Variants in SOCS7 observed in about 807,000 individuals in gnomAD.
SOCS7 encodes the protein suppressor of cytokine signaling 7.
SOCS7 carries 18 observed loss-of-function variants against 58.9 expected under a neutral mutation model. The observed-to-expected ratio is 0.31, with a 90% CI of 0.21 to 0.45. The LOEUF is 0.45. Among genes scored for constraint, SOCS7 ranks in the 20% least tolerant of loss-of-function variants. The pLI is 1.00. For missense variants in SOCS7, 667 were observed against 837.3 expected (o/e 0.80, Z 2.51); for synonymous variants, 388 against 364.3 (o/e 1.06, Z -0.74).
At chr17:38,387,600 CACAATATATTGTATATTATATAT>C (rs1387596853) in intron 7 of SOCS7, among the ~76,000 whole-genome samples, 25 of 89,656 alleles carry the variant, frequency 2.8e-4, no homozygotes, top group South Asian at 1.4e-3. Context: ...ATATTATATA[CACAATATATTGTATATTATATAT>C]ACAATATATT....
At chr17:38,379,555 TGAACA>T (rs2037975756) in intron 7 of SOCS7, among the ~76,000 whole-genome samples, 1 of 152,162 alleles carries the variant, frequency 6.6e-6, no homozygotes. Flanking sequence ...TTAAGATTCT[TGAACA>T]GAACACCTAG....
chr17:38,372,147 T>C (rs2037876507), intron 6 of SOCS7, among the ~76,000 whole-genome samples: 1 of 152,132 alleles, frequency 6.6e-6, no homozygotes, highest in Non-Finnish European at 1.5e-5. Flanking sequence ...TTTTTGGAGA[T>C]TTGTGACAAT....
chr17:38,366,403 C>T lies in SOCS7; in HGVS notation c.1369C>T (p.Arg457Ter), dbSNP rs1228430965. 2.5e-6 allele frequency: 4 copies of T among 1,614,206 alleles called. No homozygotes were observed. Among genetic ancestry groups the T allele is most frequent in the South Asian group, 1.1e-5 (1 of 91,086 alleles). ...CTCGAGCAGCTTTGCAGCCAGCCTTCGAGAGTTGGAGAAGGTAGGTGGTAC... is the reference window on the plus strand; with the variant it reads ...CTCGAGCAGCTTTGCAGCCAGCCTTTGAGAGTTGGAGAAGGTAGGTGGTAC... ...PDSSSFAASL[R>*]ELEKCGWYWG... Residue 457 changes from arginine (R) to a stop codon, truncating the protein, a stop_gained, in exon 5 of 10, where the codon CGA becomes TGA. Coordinates refer to ENST00000612932, the MANE Select transcript of SOCS7 (RefSeq NM_014598.4). LOFTEE classifies it high-confidence loss of function.
rs1399773366 is a variant in SOCS7 at position 38,400,323 on chromosome 17, A to G, written c.*841A>G. On this transcript the variant is annotated 3_prime_UTR_variant, in exon 10 of 10. Transcript: ENST00000612932. ...CTCTGATCATGGTAACAGCATCCCT[A>G]TTGCTTCTGCCAGCTGTCATGGCAA... 6.6e-6 allele frequency: 1 copy of G among 152,106 alleles called. No homozygotes were observed. The highest frequency in any genetic ancestry group is 1.5e-5 in the Non-Finnish European group (1 of 68,034). 9.4% of individuals were successfully genotyped at this position (152,106 alleles called of 1,614,324 possible).
intron 1 of SOCS7, among the ~76,000 whole-genome samples, chr17:38,355,235 TC>T (rs2037619919): frequency 1.3e-5 from 2 of 152,296 alleles, no homozygotes; most frequent in African/African-American, 4.8e-5. Context: ...CTTCCCTTTT[TC>T]CCCCATCTGT....
At chr17:38,377,073 A>G (rs1020665125) in intron 6 of SOCS7, among the ~76,000 whole-genome samples, 1 of 152,146 alleles carries the variant, frequency 6.6e-6, no homozygotes, top group Non-Finnish European at 1.5e-5. Context: ...GTACACTCTG[A>G]TGTTCGCCTA....
intron 6 of SOCS7, among the ~76,000 whole-genome samples, chr17:38,371,752 GTGT>G (rs1439245934): frequency 2.0e-5 from 2 of 98,992 alleles, no homozygotes; most frequent in African/African-American, 8.5e-5. Flanking sequence ...TGGCCCTTTT[GTGT>G]TTTTTTTTTT....
chr17:38,397,844 T>C (rs2038264455), intron 9 of SOCS7, among the ~76,000 whole-genome samples: 1 of 152,152 alleles, frequency 6.6e-6, no homozygotes, highest in Admixed American at 6.5e-5. Flanking sequence ...GGGTAAAGTT[T>C]AGTGATTAGT....
intron 7 of SOCS7, among the ~76,000 whole-genome samples, chr17:38,387,626 AATATATTGTATATTATATACACT>A (rs2038095719): frequency 1.2e-5 from 1 of 85,296 alleles, no homozygotes; most frequent in Admixed American, 1.1e-4. Flanking sequence ...TTATATATAC[AATATATTGTATATTATATACACT>A]ATATATTGTA....
At chr17:38,360,574 C>G (rs2037704138) in intron 1 of SOCS7, among the ~76,000 whole-genome samples, 1 of 151,928 alleles carries the variant, frequency 6.6e-6, no homozygotes, top group African/African-American at 2.4e-5. Flanking sequence ...GAGTCTCGCT[C>G]TGTCGCCCAG....
chr17:38,401,110 T>G lies in SOCS7; in HGVS notation c.*1628T>G, dbSNP rs901140545. The G allele has an allele frequency of 1.5e-4, 23 of 152,272 alleles. No homozygotes were observed. Among genetic ancestry groups the G allele is most frequent in the Admixed American group, 6.5e-4 (10 of 15,300 alleles). 9.4% of individuals were successfully genotyped at this position (152,272 alleles called of 1,614,324 possible). A position where few individuals can be genotyped will look rare whatever the true frequency, so the allele number is the denominator to read the frequency against. ...TCATCTGGGAGCATTGCCTTCTTCCTTAGTCCCACGTGGAGTGACCAGTCT... is the reference window on the plus strand; with the variant it reads ...TCATCTGGGAGCATTGCCTTCTTCCGTAGTCCCACGTGGAGTGACCAGTCT... On this transcript the variant is annotated 3_prime_UTR_variant, in exon 10 of 10. Transcript: ENST00000612932.
chr17:38,360,922 T>C (rs2037710537), intron 1 of SOCS7, among the ~76,000 whole-genome samples: 1 of 152,254 alleles, frequency 6.6e-6, no homozygotes, highest in African/African-American at 2.4e-5. Context: ...CTGGCCGTAA[T>C]GTCTTTGTTG....
intron 7 of SOCS7, among the ~76,000 whole-genome samples, chr17:38,386,450 A>C (rs976845001): frequency 6.6e-6 from 1 of 151,966 alleles, no homozygotes; most frequent in African/African-American, 2.4e-5. Flanking sequence ...TGACAGAGTG[A>C]GACTGTATCT....
intron 5 of SOCS7, 69 bp from the exon 6 acceptor site, chr17:38,367,813 T>G (rs1194289530): frequency 7.8e-6 from 11 of 1,413,990 alleles, no homozygotes; most frequent in South Asian, 2.5e-5. Context: ...CATGTTAAGA[T>G]AGATTGCACT....
intron 1 of SOCS7, among the ~76,000 whole-genome samples, chr17:38,355,990 T>G (rs1381276457): frequency 6.6e-6 from 1 of 152,126 alleles, no homozygotes; most frequent in Non-Finnish European, 1.5e-5. Context: ...TTCAAGCGAT[T>G]CTTCTGCTTC....
At chr17:38,390,396 C>T (rs891344844) in intron 7 of SOCS7, among the ~76,000 whole-genome samples, 1 of 152,008 alleles carries the variant, frequency 6.6e-6, no homozygotes, top group Non-Finnish European at 1.5e-5. Context: ...TATTTTGGGT[C>T]TCTTGCATTT....
At position 38,395,451 on chromosome 17, in the gene SOCS7, T is replaced by C. The variant is rs1164032127; in HGVS notation, c.1817+7T>C. ...CAGATCTCCCACTGCCTAAGTACAA[T>C]GGGGTTGTCAGGTTTGGGACAGGAA... On this transcript the variant is annotated splice_region_variant and intron_variant, in intron 8 of 9. Transcript: ENST00000612932. The C allele has an allele frequency of 6.2e-6, 10 of 1,612,318 alleles. No individual in the cohort carries two copies. Among genetic ancestry groups the C allele is most frequent in the Non-Finnish European group, 7.6e-6 (9 of 1,178,612 alleles).
chr17:38,364,365 C>T (rs1035792210), intron 2 of SOCS7, among the ~76,000 whole-genome samples: 4 of 152,190 alleles, frequency 2.6e-5, no homozygotes, highest in African/African-American at 9.7e-5. Flanking sequence ...GGGCATATAA[C>T]AAGCCACTTG....
At chr17:38,375,400 C>T (rs1325154296) in intron 6 of SOCS7, among the ~76,000 whole-genome samples, 2 of 151,912 alleles carry the variant, frequency 1.3e-5, no homozygotes, top group Non-Finnish European at 2.9e-5. Context: ...TTATGAAGAT[C>T]CACTTTATGA....
Sources: allele counts gnomAD v4.1 joint callset (sites outside exome capture counted in the v4.1 genomes callset), GRCh38; gene constraint gnomAD v4.1.1; transcripts MANE v1.5; gene names NCBI Gene and HGNC (gene_info 2026-07-23, HGNC 2026-07-21).